Variants in CNTN5 observed in about 807,000 individuals in gnomAD.
The protein encoded by CNTN5 is contactin-5.
A neutral mutation model predicts 129.1 loss-of-function variants in CNTN5; 77 were observed. That is an observed-to-expected ratio of 0.60 (90% confidence interval 0.50 to 0.72). The LOEUF is 0.72. Among genes scored for constraint, CNTN5 ranks in the 30% least tolerant of loss-of-function variants. The pLI is 0.00. For missense variants in CNTN5, 1,478 were observed against 1,328.8 expected (o/e 1.11, Z -1.75); for synonymous variants, 509 against 465.6 (o/e 1.09, Z -1.20).
intron 2 of CNTN5, among the ~76,000 whole-genome samples, chr11:99,491,187 T>C (rs1946021961): frequency 1.3e-5 from 2 of 152,092 alleles, no homozygotes; most frequent in Admixed American, 6.6e-5. Context: ...TTCCCATGTA[T>C]TTGTTAGGCC....
intron 1 of CNTN5, among the ~76,000 whole-genome samples, chr11:99,078,850 TG>T (rs1865686166): frequency 6.6e-6 from 1 of 151,744 alleles, no homozygotes; most frequent in Non-Finnish European, 1.5e-5. Flanking sequence ...AAAAATATAG[TG>T]AGAATGAATA....
intron 1 of CNTN5, among the ~76,000 whole-genome samples, chr11:99,294,279 C>T (rs1395476224): frequency 1.3e-5 from 2 of 152,010 alleles, no homozygotes; most frequent in African/African-American, 4.8e-5. Flanking sequence ...CTAAAGACAC[C>T]ACCAAATAAT....
rs1046706800 is a variant in CNTN5, at chr11:99,738,549, T to C, written c.56-80995T>C. ...AGCTGAAGAAATAATAGAAGGAAAG[T>C]GCTGAAAGCAGAAAAAATAACCCAG... On this transcript the variant is annotated intron_variant, in intron 3 of 24. Coordinates refer to ENST00000524871, the MANE Select transcript of CNTN5 (RefSeq NM_014361.4). Among the ~76,000 whole-genome samples, 3 of 151,376 alleles carry C rather than the reference T, an allele frequency of 2.0e-5. No homozygotes were observed. The South Asian group carries it at 6.2e-4, about 31-fold the overall frequency.
At chr11:100,126,135 T>C (rs1423561119) in intron 13 of CNTN5, among the ~76,000 whole-genome samples, 1 of 152,190 alleles carries the variant, frequency 6.6e-6, no homozygotes, top group East Asian at 1.9e-4. Context: ...TGGTATTGGT[T>C]TACAGTTGTA....
chr11:99,849,248 C>T (rs1006114821), intron 6 of CNTN5, among the ~76,000 whole-genome samples: 3 of 151,206 alleles, frequency 2.0e-5, no homozygotes, highest in Non-Finnish European at 4.4e-5. Flanking sequence ...GATATATCAT[C>T]GAAGTTTTCT....
intron 10 of CNTN5, among the ~76,000 whole-genome samples, chr11:100,064,464 A>C (rs1256895059): frequency 6.6e-6 from 1 of 152,096 alleles, no homozygotes; most frequent in African/African-American, 2.4e-5. Context: ...AATTAAAGTT[A>C]AGATACACTT....
chr11:99,248,227 T>C (rs1312188353), intron 1 of CNTN5, among the ~76,000 whole-genome samples: 1 of 152,194 alleles, frequency 6.6e-6, no homozygotes, highest in Non-Finnish European at 1.5e-5. Flanking sequence ...GATGAGCATT[T>C]TTTCATGTGT....
intron 1 of CNTN5, among the ~76,000 whole-genome samples, chr11:99,155,116 T>C (rs897110603): frequency 1.3e-5 from 2 of 152,076 alleles, no homozygotes; most frequent in Non-Finnish European, 2.9e-5. Flanking sequence ...GCTGTTCAGC[T>C]CTCCGCTTCC....
intron 1 of CNTN5, among the ~76,000 whole-genome samples, chr11:99,168,468 T>G (rs1860988638): frequency 6.6e-6 from 1 of 152,048 alleles, no homozygotes; most frequent in African/African-American, 2.4e-5. Context: ...TAGTCCCAGC[T>G]ACTTGGGAGG....
intron 4 of CNTN5, among the ~76,000 whole-genome samples, chr11:99,831,618 T>G (rs1043133295): frequency 3.3e-5 from 5 of 152,094 alleles, no homozygotes; most frequent in African/African-American, 1.2e-4. Context: ...CCATAACTTT[T>G]TTTTTTGGTG....
chr11:99,088,375 G>A (rs1169290354), intron 1 of CNTN5, among the ~76,000 whole-genome samples: 1 of 152,100 alleles, frequency 6.6e-6, no homozygotes, highest in Non-Finnish European at 1.5e-5. Context: ...TATATGACCT[G>A]TTAAGAATTT....
rs1342317188 is a variant in CNTN5 at position 100,278,935 on chromosome 11, G to C, written c.2314+7694G>C. On this transcript the variant is annotated intron_variant, in intron 18 of 24. Transcript: ENST00000524871. ...TTCCCCATTTAATATAATACTAGCT[G>C]TGAGTTCATCATATGATTTTTATGA... Among the ~76,000 whole-genome samples the C allele has an allele frequency of 2.0e-5, 3 of 151,980 alleles. No homozygotes were observed. In the East Asian group the frequency reaches 5.8e-4, roughly 29 times the overall value.
chr11:99,285,137 A>C (rs1863876640), intron 1 of CNTN5, among the ~76,000 whole-genome samples: 1 of 152,132 alleles, frequency 6.6e-6, no homozygotes, highest in African/African-American at 2.4e-5. Flanking sequence ...CCAGGTAGGC[A>C]CCTAGTGAGT....
At chr11:99,822,410 T>G (rs1019270736) in intron 4 of CNTN5, among the ~76,000 whole-genome samples, 1 of 152,102 alleles carries the variant, frequency 6.6e-6, no homozygotes. Flanking sequence ...GAACTAAAAC[T>G]GTTAAAGTGA....
chr11:99,875,703 T>C (rs972742755), intron 6 of CNTN5, among the ~76,000 whole-genome samples: 1 of 152,036 alleles, frequency 6.6e-6, no homozygotes, highest in African/African-American at 2.4e-5. Context: ...TCTTTCCAAA[T>C]TGTCTTGCTA....
chr11:99,611,993 C>T (rs80198563), intron 3 of CNTN5, among the ~76,000 whole-genome samples: 1,649 of 152,236 alleles, frequency 0.011, 34 homozygotes, highest in African/African-American at 0.036. Context: ...CATCCATACT[C>T]ATGATTGCAT....
chr11:99,471,256 TC>T (rs901739172), intron 2 of CNTN5, among the ~76,000 whole-genome samples: 63 of 152,150 alleles, frequency 4.1e-4, no homozygotes, highest in African/African-American at 1.5e-3. Context: ...GCCATCTGCT[TC>T]CAGAATATAA....
chr11:99,346,805 C>G (rs372559648), intron 2 of CNTN5, among the ~76,000 whole-genome samples: 42 of 152,314 alleles, frequency 2.8e-4, no homozygotes, highest in African/African-American at 8.7e-4. Context: ...CAAGCTCGCT[C>G]TCTCCTGTGT....
chr11:99,957,632 C>T (rs1950837374), intron 8 of CNTN5, among the ~76,000 whole-genome samples: 1 of 151,912 alleles, frequency 6.6e-6, no homozygotes, highest in Non-Finnish European at 1.5e-5. Flanking sequence ...GCTATATTAC[C>T]ATTGATATAT....
Sources: allele counts gnomAD v4.1 joint callset (sites outside exome capture counted in the v4.1 genomes callset), GRCh38; gene constraint gnomAD v4.1.1; transcripts MANE v1.5; gene names NCBI Gene and HGNC (gene_info 2026-07-23, HGNC 2026-07-21).